The following NDUFA5 variants were observed in gnomAD, a reference collection of about 807,000 sequenced individuals.
NDUFA5 encodes NADH dehydrogenase [ubiquinone] 1 alpha subcomplex subunit 5.
A neutral mutation model predicts 19.8 loss-of-function variants in NDUFA5; 11 were observed. The observed-to-expected ratio is 0.56, with a 90% confidence interval of 0.35 to 0.92. The LOEUF (loss-of-function observed/expected upper bound fraction) is 0.92, where lower values mean the gene tolerates loss of function less well. NDUFA5 is among the 40% of genes least tolerant of loss of function. The pLI is 0.01. For synonymous variants in NDUFA5, 47 were observed against 46.8 expected (o/e 1.00, Z -0.01); for missense variants, 109 against 134.2 (o/e 0.81, Z 0.93).
At chr7:123,600,053 C>A in the NDUFA5 span, among the ~76,000 whole-genome samples, 4 of 152,216 alleles carry the variant, frequency 2.6e-5, no homozygotes, top group African/African-American at 9.6e-5. Flanking sequence ...CAAAGTATGT[C>A]TTATTGTGTG....
the NDUFA5 span, among the ~76,000 whole-genome samples, chr7:123,568,590 C>A: frequency 6.6e-6 from 1 of 151,714 alleles, no homozygotes. Flanking sequence ...CTAGCCACCT[C>A]ACCCGTGCCA....
chr7:123,595,851 A>T, the NDUFA5 span, among the ~76,000 whole-genome samples: 1 of 152,180 alleles, frequency 6.6e-6, no homozygotes, highest in African/African-American at 2.4e-5. Flanking sequence ...TATCTTCAAG[A>T]CTGGAAAATT....
At chr7:123,580,653 C>G in the NDUFA5 span, among the ~76,000 whole-genome samples, 1 of 152,046 alleles carries the variant, frequency 6.6e-6, no homozygotes, top group Non-Finnish European at 1.5e-5. Flanking sequence ...CAAGTGAATG[C>G]AACCCTTCTC....
At chr7:123,560,110 A>G (rs1430181295), upstream of NDUFA5, among the ~76,000 whole-genome samples, 2 of 152,196 alleles carry the variant, frequency 1.3e-5, no homozygotes, top group Non-Finnish European at 2.9e-5. Flanking sequence ...TAGATGCAGA[A>G]AAAGCATTGG....
the NDUFA5 span, among the ~76,000 whole-genome samples, chr7:123,580,894 G>A: frequency 0.32 from 48,488 of 151,806 alleles, 7,976 homozygotes; most frequent in East Asian, 0.4. Context: ...GTCAGAGACC[G>A]TTCGGTTAAG....
chr7:123,553,482 T>C (rs1301600833), intron 2 of NDUFA5, among the ~76,000 whole-genome samples: 2 of 152,226 alleles, frequency 1.3e-5, no homozygotes, highest in East Asian at 3.8e-4. Context: ...ATGGGGATTA[T>C]GGGAGCTACA....
the NDUFA5 span, among the ~76,000 whole-genome samples, chr7:123,597,586 C>T: frequency 2.6e-5 from 4 of 152,060 alleles, no homozygotes; most frequent in Non-Finnish European, 4.4e-5. Flanking sequence ...AATCCCAGCA[C>T]TTTGGGAGGC....
chr7:123,552,640 A>T (rs1048962225), intron 2 of NDUFA5, among the ~76,000 whole-genome samples: 2 of 150,786 alleles, frequency 1.3e-5, no homozygotes, highest in African/African-American at 4.9e-5. Flanking sequence ...TATAACTAAA[A>T]AAAAAAAAAA....
intron 4 of NDUFA5, among the ~76,000 whole-genome samples, chr7:123,544,622 T>C (rs1798061401): frequency 6.6e-6 from 1 of 151,586 alleles, no homozygotes; most frequent in South Asian, 2.1e-4. Flanking sequence ...GGTTAATATC[T>C]TTTATTATAA....
intron 4 of NDUFA5, among the ~76,000 whole-genome samples, chr7:123,543,212 T>C (rs1200314678): frequency 1.3e-5 from 2 of 152,154 alleles, no homozygotes; most frequent in African/African-American, 4.8e-5. Context: ...ATAAAATATT[T>C]CCTAAGGTTG....
At chr7:123,549,733 G>A (rs768041170) in intron 3 of NDUFA5, among the ~76,000 whole-genome samples, 10 of 152,186 alleles carry the variant, frequency 6.6e-5, no homozygotes, top group Non-Finnish European at 1.2e-4. Context: ...AGCTGTGATC[G>A]TGCCACTGCA....
chr7:123,594,461 T>A, the NDUFA5 span, among the ~76,000 whole-genome samples: 1 of 152,116 alleles, frequency 6.6e-6, no homozygotes, highest in Non-Finnish European at 1.5e-5. Flanking sequence ...CGTATGGGGT[T>A]TTGGTGTGGA....
chr7:123,562,866 C>T (rs918806731), upstream of NDUFA5, among the ~76,000 whole-genome samples: 2 of 149,862 alleles, frequency 1.3e-5, no homozygotes, highest in Non-Finnish European at 3.0e-5. Context: ...AGCACGATCT[C>T]GCCTCACTGC....
intron 3 of NDUFA5, among the ~76,000 whole-genome samples, chr7:123,547,326 C>T (rs938273429): frequency 1.3e-4 from 20 of 152,102 alleles, no homozygotes; most frequent in Admixed American, 1.3e-3. Context: ...CACACATTTT[C>T]CTTGTTTTAT....
the NDUFA5 span, among the ~76,000 whole-genome samples, chr7:123,576,902 T>C: frequency 6.6e-6 from 1 of 152,202 alleles, no homozygotes; most frequent in Non-Finnish European, 1.5e-5. Context: ...ATGTTTTCTA[T>C]TACTTTATTC....
chr7:123,571,552 T>A, the NDUFA5 span, among the ~76,000 whole-genome samples: 1 of 152,118 alleles, frequency 6.6e-6, no homozygotes. Context: ...TTGTAGATAA[T>A]AAAGTGTATC....
intron 2 of NDUFA5, 164 bp downstream of exon 2, chr7:123,557,240 C>A (rs763591325): frequency 3.1e-5 from 29 of 934,650 alleles, no homozygotes; most frequent in Non-Finnish European, 4.9e-5. Flanking sequence ...AATGTGACAT[C>A]GGATCAACGA....
intron 2 of NDUFA5, chr7:123,556,323 TTA>T (rs1297136391): frequency 6.6e-6 from 1 of 152,266 alleles, no homozygotes; most frequent in Non-Finnish European, 1.5e-5. Flanking sequence ...TTCAGGACTT[TTA>T]TAAAGGAAGA....
At chr7:123,584,776 T>C in the NDUFA5 span, 4 of 151,966 alleles carry the variant, frequency 2.6e-5, no homozygotes, top group African/African-American at 9.7e-5. Flanking sequence ...AGAATAAATA[T>C]GTCAGGAATA....
Sources: allele counts gnomAD v4.1 joint callset (sites outside exome capture counted in the v4.1 genomes callset), GRCh38; gene constraint gnomAD v4.1.1; transcripts MANE v1.5; gene names NCBI Gene and HGNC (gene_info 2026-07-23, HGNC 2026-07-21).